KIAA0319L: variants seen among roughly 807,000 people sequenced by gnomAD.
KIAA0319L encodes KIAA0319 like.
In KIAA0319L, 55 loss-of-function variants were observed where a neutral mutation model predicts 120.1. That is an observed-to-expected ratio of 0.46 (90% CI 0.37 to 0.57). The LOEUF is 0.57. KIAA0319L is among the 20% of genes least tolerant of loss of function. The pLI is 0.00. For synonymous variants in KIAA0319L, 398 were observed against 471.9 expected, an observed-to-expected ratio of 0.84 and a Z score of 2.03; for missense variants, 1,049 against 1,255.3, an observed-to-expected ratio of 0.84 and a Z score of 2.48.
intron 20 of KIAA0319L, among the ~76,000 whole-genome samples, chr1:35,436,838 G>C (rs1188634): frequency 2.0e-5 from 3 of 151,968 alleles, no homozygotes; most frequent in African/African-American, 7.2e-5. Context: ...CCAGACTCCC[G>C]CGCACACACA....
At chr1:35,465,392 C>T (rs1643184681) in intron 7 of KIAA0319L, among the ~76,000 whole-genome samples, 1 of 152,210 alleles carries the variant, frequency 6.6e-6, no homozygotes, top group African/African-American at 2.4e-5. Context: ...CTGCTGGATT[C>T]TGCACTTGCA....
intron 10 of KIAA0319L, 24 bp from the exon 11 acceptor site, chr1:35,454,509 GA>G (rs1195899537): frequency 6.2e-7 from 1 of 1,610,116 alleles, no homozygotes; most frequent in Non-Finnish European, 8.5e-7. Context: ...TACAGAAGTG[GA>G]AAAGTGGACT....
At chr1:35,544,619 T>C (rs1646915523) in intron 2 of KIAA0319L, among the ~76,000 whole-genome samples, 2 of 152,200 alleles carry the variant, frequency 1.3e-5, no homozygotes, top group Non-Finnish European at 2.9e-5. Flanking sequence ...CCAAGGTACA[T>C]TATCTTTAAT....
At chr1:35,451,310 T>C (rs1166005206) in intron 13 of KIAA0319L, among the ~76,000 whole-genome samples, 4 of 151,646 alleles carry the variant, frequency 2.6e-5, no homozygotes, top group Non-Finnish European at 2.9e-5. Flanking sequence ...AAAATAAAAA[T>C]GCAAAGAATA....
chr1:35,547,052 CAT>C (rs1053942907), intron 2 of KIAA0319L, among the ~76,000 whole-genome samples: 1 of 144,876 alleles, frequency 6.9e-6, no homozygotes, highest in African/African-American at 2.5e-5. Flanking sequence ...TATATTATTA[CAT>C]GTTTATATAC....
chr1:35,486,427 T>C (rs983832414), intron 3 of KIAA0319L, among the ~76,000 whole-genome samples: 4 of 151,572 alleles, frequency 2.6e-5, no homozygotes, highest in Non-Finnish European at 5.9e-5. Context: ...TTGTTTCTGC[T>C]TCTATTTTAT....
rs899168766 is a variant in KIAA0319L, at chr1:35,557,373, G to C, written c.-195C>G. On this transcript the variant is annotated 5_prime_UTR_variant, in exon 1 of 21. Coordinates refer to ENST00000325722, the MANE Select transcript of KIAA0319L (RefSeq NM_024874.5). ...ACCCGGACAGCTACCTCTCGCCTCA[G>C]CCTCCCTGGACAGCGACGGCGGCCG... The C allele has an allele frequency of 6.8e-6, 2 of 296,286 alleles. No individual in the cohort carries two copies. The highest frequency in any genetic ancestry group is 4.7e-5 in the African/African-American group (2 of 42,914). The allele number at this position is 296,286 out of a possible 1,614,324, so 18.4% of individuals were successfully genotyped here. A position where few individuals can be genotyped will look rare whatever the true frequency, so the allele number is the denominator to read the frequency against.
At chr1:35,476,126 A>ATACT (rs1244179684) in intron 4 of KIAA0319L, among the ~76,000 whole-genome samples, 7 of 152,238 alleles carry the variant, frequency 4.6e-5, no homozygotes, top group African/African-American at 1.7e-4. Flanking sequence ...TACTGTCTTT[A>ATACT]TACTATTCAC....
intron 5 of KIAA0319L, 149 bp downstream of exon 5, chr1:35,474,656 T>C (rs1643834969): frequency 1.9e-6 from 1 of 531,002 alleles, no homozygotes; most frequent in Non-Finnish European, 3.3e-6. Context: ...CCAGGAGTGG[T>C]AGTGTATGCC....
chr1:35,529,268 GAACT>G (rs1470329797), intron 2 of KIAA0319L, among the ~76,000 whole-genome samples: 1 of 152,202 alleles, frequency 6.6e-6, no homozygotes, highest in African/African-American at 2.4e-5. Flanking sequence ...TGATATGTGA[GAACT>G]TACTACTGTC....
At position 35,437,580 on chromosome 1, in the gene KIAA0319L, A is replaced by G. The variant is rs1640888881; in HGVS notation, c.2963-2499T>C. On this transcript the variant is annotated intron_variant, in intron 20 of 20. Transcript: ENST00000325722. This position sits in a 1 kb window ranked among gnomAD's most constrained non-coding sequence, Gnocchi z 4.1. ...GCTTTCACTTCCACTGTCACTCCCC[A>G]CTCTACTGCAGCTCTCTGATGGGCC... Among the ~76,000 whole-genome samples, 1 of 151,240 alleles carries G rather than the reference A, an allele frequency of 6.6e-6. No homozygotes were observed. The highest frequency in any genetic ancestry group is 1.5e-5 in the Non-Finnish European group (1 of 67,832).
intron 6 of KIAA0319L, among the ~76,000 whole-genome samples, chr1:35,470,521 A>C (rs1643559892): frequency 6.7e-6 from 1 of 149,978 alleles, no homozygotes; most frequent in Non-Finnish European, 1.5e-5. Context: ...AAAAGAAAAA[A>C]CCTATACTGA....
chr1:35,523,633 A>C (rs1176048083), intron 2 of KIAA0319L, among the ~76,000 whole-genome samples: 2 of 152,170 alleles, frequency 1.3e-5, no homozygotes, highest in Non-Finnish European at 2.9e-5. Context: ...ACGTGGTATA[A>C]ATCTCAAAGA....
intron 2 of KIAA0319L, among the ~76,000 whole-genome samples, chr1:35,549,655 C>T (rs1647124489): frequency 6.6e-6 from 1 of 152,178 alleles, no homozygotes; most frequent in Admixed American, 6.5e-5. Flanking sequence ...CAAACATGCA[C>T]ACATAACTCT....
intron 20 of KIAA0319L, among the ~76,000 whole-genome samples, chr1:35,438,152 C>T (rs977519268): frequency 6.6e-6 from 1 of 152,250 alleles, no homozygotes; most frequent in Non-Finnish European, 1.5e-5. Context: ...AAATGTTTAA[C>T]TCTGCAGGCT....
chr1:35,538,581 ACT>A (rs781034513), intron 2 of KIAA0319L, among the ~76,000 whole-genome samples: 4 of 134,256 alleles, frequency 3.0e-5, no homozygotes, highest in Admixed American at 7.7e-5. Flanking sequence ...ACAGAGTGAA[ACT>A]CTGTCTCAAA....
intron 7 of KIAA0319L, 144 bp from the exon 8 acceptor site, chr1:35,462,857 A>G: frequency 1.5e-6 from 1 of 647,330 alleles, no homozygotes; most frequent in Non-Finnish European, 2.7e-6. Flanking sequence ...TTTGTGGAAG[A>G]CAATTTTTCC....
At chr1:35,504,249 T>C (rs1645121223) in intron 3 of KIAA0319L, among the ~76,000 whole-genome samples, 1 of 151,658 alleles carries the variant, frequency 6.6e-6, no homozygotes, top group Non-Finnish European at 1.5e-5. Flanking sequence ...CAGGCTGGAG[T>C]GCAGTGGCGC....
chr1:35,477,884 A>C (rs1160026543), intron 4 of KIAA0319L, among the ~76,000 whole-genome samples: 1 of 152,220 alleles, frequency 6.6e-6, no homozygotes, highest in African/African-American at 2.4e-5. Flanking sequence ...CATGTGACTC[A>C]ATAATCCCAC....
Sources: allele counts gnomAD v4.1 joint callset (sites outside exome capture counted in the v4.1 genomes callset), GRCh38; gene constraint gnomAD v4.1.1; non-coding constraint Gnocchi (gnomAD v3.1); transcripts MANE v1.5; gene names NCBI Gene and HGNC (gene_info 2026-07-23, HGNC 2026-07-21).